Variants in PPIG observed in about 807,000 individuals in gnomAD.
PPIG encodes the protein peptidyl-prolyl cis-trans isomerase G.
In PPIG, 26 loss-of-function variants were observed where a neutral mutation model predicts 87.9. The observed-to-expected ratio is 0.30, with a 90% CI of 0.22 to 0.41. The LOEUF is 0.41. Among genes scored for constraint, PPIG ranks in the 10% least tolerant of loss-of-function variants. The pLI is 1.00. For missense variants in PPIG, 722 were observed against 879.4 expected (o/e 0.82, Z 2.26); for synonymous variants, 308 against 276.5 (o/e 1.11, Z -1.13).
chr2:169,631,061 C>T (rs1050894012), intron 10 of PPIG, 74 bp downstream of exon 10: 2 of 1,320,236 alleles, frequency 1.5e-6, no homozygotes, highest in African/African-American at 1.5e-5. Context: ...GATTTTGGGT[C>T]AATTATATGA....
rs1344940640 is a variant in PPIG at position 169,637,329 on chromosome 2, A to C, written c.2071A>C (p.Lys691Gln). Residue 691 changes from lysine to glutamine, a missense_variant, in exon 14 of 14, where the codon AAA becomes CAA. By Grantham distance (53) the Lys-to-Gln change is moderately conservative. This residue lies in a region of PPIG where 476 missense variants were observed against 483.1 expected (regional missense o/e 0.99). Transcript: ENST00000260970. ...TGATAGAGATCAAAGTCCCTTCTCA[A>C]AAATAAAACAAAGCAGTCAGGACAA... ...KADRDQSPFS[K>Q]IKQSSQDNEL... 6 of 1,605,030 alleles carry C rather than the reference A, an allele frequency of 3.7e-6. No homozygotes were observed. Among genetic ancestry groups the C allele is most frequent in the Non-Finnish European group, 5.1e-6 (6 of 1,178,022 alleles).
chr2:169,636,252 C>T (rs200375631), intron 13 of PPIG, 24 bp downstream of exon 13: 1 of 1,569,612 alleles, frequency 6.4e-7, no homozygotes, highest in East Asian at 2.3e-5. Context: ...ATTATTATTT[C>T]AAATGTAATG....
intron 1 of PPIG, 85 bp downstream of exon 1, chr2:169,584,575 G>T: frequency 2.2e-6 from 1 of 451,732 alleles, no homozygotes. Context: ...TGGGAAGAGG[G>T]GCGGAGCCGG....
At chr2:169,584,792 A>G (rs1684652792) in intron 1 of PPIG, 1 of 299,366 alleles carries the variant, frequency 3.3e-6, no homozygotes, top group Admixed American at 5.2e-5. Context: ...TCACTGACGC[A>G]TTTTGCCGCA....
rs1379335807 is a variant in PPIG, at chr2:169,637,427, A to G, written c.2169A>G (p.Gln723=). The G allele has an allele frequency of 3.1e-6, 5 of 1,612,866 alleles. No homozygotes were observed. Among genetic ancestry groups the G allele is most frequent in the East Asian group, 2.2e-5 (1 of 44,842 alleles). Residue 723 remains glutamine, a synonymous_variant, in exon 14 of 14, where the codon CAA becomes CAG. Coordinates refer to ENST00000260970, the MANE Select transcript of PPIG (RefSeq NM_004792.3). The part of the protein sequence containing the change: ...KIRSSVEKEN[Q]KSKGQENDHV... The stretch of plus-strand genomic sequence containing the variant: ...GATCCTCAGTGGAAAAAGAAAACCA[A>G]AAATCAAAAGGTCAAGAAAATGACC...
intron 9 of PPIG, among the ~76,000 whole-genome samples, chr2:169,626,275 A>G (rs1001465293): frequency 1.3e-5 from 2 of 151,692 alleles, no homozygotes; most frequent in Non-Finnish European, 2.9e-5. Flanking sequence ...TTGCCTTTTT[A>G]CCCTTCTGTC....
intron 1 of PPIG, among the ~76,000 whole-genome samples, chr2:169,588,667 A>G (rs982249719): frequency 1.3e-5 from 2 of 152,142 alleles, no homozygotes; most frequent in African/African-American, 4.8e-5. Context: ...TATTATTATA[A>G]GAACTTAGAT....
chr2:169,623,495 A>G (rs1165325614), intron 9 of PPIG, among the ~76,000 whole-genome samples: 1 of 152,236 alleles, frequency 6.6e-6, no homozygotes, highest in Non-Finnish European at 1.5e-5. Context: ...ACACAAGAAC[A>G]GAGTTGTGGC....
chr2:169,612,638 TC>T (rs1219558108), intron 7 of PPIG, among the ~76,000 whole-genome samples: 3 of 152,156 alleles, frequency 2.0e-5, no homozygotes, highest in Admixed American at 6.6e-5. Flanking sequence ...CGCCTTGGCC[TC>T]CCAAACTGCT....
At chr2:169,600,740 A>G (rs931296283) in intron 1 of PPIG, among the ~76,000 whole-genome samples, 1 of 152,224 alleles carries the variant, frequency 6.6e-6, no homozygotes, top group Non-Finnish European at 1.5e-5. Flanking sequence ...AGTTTCTTTC[A>G]TAAGTCTGCT....
At chr2:169,599,694 T>C (rs998716335) in intron 1 of PPIG, among the ~76,000 whole-genome samples, 2 of 152,170 alleles carry the variant, frequency 1.3e-5, no homozygotes, top group African/African-American at 4.8e-5. Flanking sequence ...CTTTGAGCTT[T>C]AATTTGATAG....
In PPIG at chr2:169,614,504, T is replaced by A; in HGVS notation, c.407+11T>A. ...TCCTCATTTAGATGGGTAAATATTA[T>A]TTTATTTATTTTACAACCTGTTTTA... is the stretch of plus-strand genomic sequence containing the variant. On this transcript the variant is annotated intron_variant, in intron 8 of 13. Transcript: ENST00000260970. The A allele has an allele frequency of 1.9e-6, 3 of 1,557,674 alleles. No individual in the cohort carries two copies. Among genetic ancestry groups the A allele is most frequent in the Non-Finnish European group, 2.6e-6 (3 of 1,145,896 alleles).
At chr2:169,595,200 G>C (rs373873048) in intron 1 of PPIG, among the ~76,000 whole-genome samples, 5 of 152,300 alleles carry the variant, frequency 3.3e-5, no homozygotes, top group South Asian at 2.1e-4. Flanking sequence ...GATTATAGGC[G>C]TGAGCCACTG....
rs558173110 is a variant in PPIG at position 169,625,518 on chromosome 2, A to AT, written c.548-5246dup. Among the ~76,000 whole-genome samples the AT allele has an allele frequency of 3.8e-3, 568 of 150,138 alleles. 7 individuals are homozygous for AT. The highest frequency in any genetic ancestry group is 5.0e-3 in the Non-Finnish European group (335 of 67,320). ...TCTTTCACCTTTGCCAGCCTAATGG[A>AT]TTTTTTTTTTAACAAATGCTAGTTT... On this transcript the variant is annotated intron_variant, in intron 9 of 13. Transcript: ENST00000260970.
intron 9 of PPIG, among the ~76,000 whole-genome samples, chr2:169,626,238 A>G (rs989737864): frequency 6.6e-6 from 1 of 152,176 alleles, no homozygotes; most frequent in Non-Finnish European, 1.5e-5. Context: ...CAGAATCAAT[A>G]TTGATATTGT....
intron 9 of PPIG, among the ~76,000 whole-genome samples, chr2:169,619,991 A>T (rs994933415): frequency 1.3e-5 from 2 of 152,084 alleles, no homozygotes; most frequent in African/African-American, 2.4e-5. Context: ...CCGTTGTCAG[A>T]TGTATGGTTT....
intron 12 of PPIG, chr2:169,633,569 T>A: frequency 2.5e-6 from 1 of 403,638 alleles, no homozygotes; most frequent in South Asian, 5.2e-5. Flanking sequence ...TTCTTGTATT[T>A]TATTCTTTTT....
intron 9 of PPIG, among the ~76,000 whole-genome samples, chr2:169,614,936 A>G (rs1219042298): frequency 6.6e-6 from 1 of 152,194 alleles, no homozygotes; most frequent in Non-Finnish European, 1.5e-5. Context: ...AAGTATGTAT[A>G]TGTTGTGGAA....
chr2:169,588,727 C>T (rs1390264973), intron 1 of PPIG, among the ~76,000 whole-genome samples: 4 of 151,864 alleles, frequency 2.6e-5, no homozygotes, highest in African/African-American at 9.7e-5. Context: ...TTTGGGAGGC[C>T]GAGGTGGGTG....
Sources: allele counts gnomAD v4.1 joint callset (sites outside exome capture counted in the v4.1 genomes callset), GRCh38; gene constraint gnomAD v4.1.1; regional missense constraint gnomAD v4.1.1; transcripts MANE v1.5; gene names NCBI Gene and HGNC (gene_info 2026-07-23, HGNC 2026-07-21).